The following ZNF285 variants were observed in gnomAD, a reference collection of about 807,000 sequenced individuals.
ZNF285 encodes zinc finger protein 285A.
In ZNF285, 4 loss-of-function variants were observed where a neutral mutation model predicts 6.2. The observed-to-expected ratio is 0.65, with a 90% CI of 0.32 to 1.49. ZNF285 has a LOEUF of 1.49. Among genes scored for constraint, ZNF285 ranks in the 40% most tolerant of loss-of-function variants. ZNF285 has a pLI of 0.07. For missense variants in ZNF285, 695 were observed against 708.8 expected (o/e 0.98, Z 0.22); for synonymous variants, 240 against 245.8 (o/e 0.98, Z 0.22).
rs1971053894 is a variant in ZNF285 at position 44,385,445 on chromosome 19, G to A, written c.*1027C>T. 6.6e-6 allele frequency: 1 copy of A among 152,196 alleles called. No homozygotes were observed. The highest frequency in any genetic ancestry group is 1.5e-5 in the Non-Finnish European group (1 of 68,042). The allele number at this position is 152,196 out of a possible 1,614,324, so 9.4% of individuals were successfully genotyped here. On this transcript the variant is annotated 3_prime_UTR_variant, in exon 4 of 4. Transcript: ENST00000614994. ...TCACCAATGAATGAAGGTTATCACT[G>A]AAGAAGTCCCATCCATACCATTTTA...
At chr19:44,396,891 T>C (rs12983489) in intron 2 of ZNF285, 102,642 of 368,796 alleles carry the variant, frequency 0.28, 22,286 homozygotes, top group East Asian at 0.75. Context: ...ACCAAATTTC[T>C]GTAAGTTTCT....
At chr19:44,392,594 T>C (rs768573840) in intron 2 of ZNF285, 128 bp from the exon 3 acceptor site, 5 of 1,562,876 alleles carry the variant, frequency 3.2e-6, no homozygotes, top group South Asian at 1.1e-5. Context: ...CTTCCTGTCC[T>C]GGAGGTTGGA....
chr19:44,386,894 T>G lies in ZNF285; in HGVS notation c.1351A>C (p.Thr451Pro). ...THLHIHQRVHTGEKPYKCNVC... is the reference protein window; with the variant it reads ...THLHIHQRVHPGEKPYKCNVC... ...TTGCATTTGTATGGTTTCTCCCCTG[T>G]GTGGACTCTCTGGTGAATGTGAAGG... The change falls in exon 4 of 4, where the codon ACA (threonine) becomes CCA (proline). Residue 451 changes from threonine (T) to proline (P), a missense_variant. Physicochemically the swap from Thr to Pro is conservative, Grantham distance 38 (BLOSUM62 -1). Coordinates refer to ENST00000614994, the MANE Select transcript of ZNF285 (RefSeq NM_152354.6). The G allele has an allele frequency of 6.2e-7, 1 of 1,614,216 alleles. No homozygotes were observed.
At chr19:44,400,212 A>T (rs1971352884) in intron 1 of ZNF285, among the ~76,000 whole-genome samples, 1 of 147,484 alleles carries the variant, frequency 6.8e-6, no homozygotes, top group Non-Finnish European at 1.5e-5. Flanking sequence ...TCGCACACAA[A>T]TGCCTTTCTC....
rs1403130960 is a variant in ZNF285, at chr19:44,389,193, A to C, written c.143-1091T>G. Among the ~76,000 whole-genome samples the C allele has an allele frequency of 4.6e-5, 7 of 152,036 alleles. 1 individual carries two copies. The highest frequency in any genetic ancestry group is 1.7e-4 in the African/African-American group (7 of 41,310). On this transcript the variant is annotated intron_variant, in intron 3 of 3. Transcript: ENST00000614994. ...GGGAACAGATACTGTGGCACTGTCAATGGCCTGGCACCCAGGGAAGCAAGA... is the reference window on the plus strand; with the variant it reads ...GGGAACAGATACTGTGGCACTGTCACTGGCCTGGCACCCAGGGAAGCAAGA...
chr19:44,386,280 T>C lies in ZNF285; in HGVS notation c.*192A>G, dbSNP rs191325992. 158 of 617,614 alleles carry C rather than the reference T, an allele frequency of 2.6e-4. No individual in the cohort carries two copies. The African/African-American group carries it at 2.8e-3, about 11-fold the overall frequency. The allele number at this position is 617,614 out of a possible 1,614,324, so 38.3% of individuals were successfully genotyped here. ...CTTTGCCATTGTAGCATACAGCAGTTGATGGGAGCTTCACAGAAGTTCTTG... is the reference window on the plus strand; with the variant it reads ...CTTTGCCATTGTAGCATACAGCAGTCGATGGGAGCTTCACAGAAGTTCTTG... On this transcript the variant is annotated 3_prime_UTR_variant, in exon 4 of 4. Coordinates refer to ENST00000614994, the MANE Select transcript of ZNF285 (RefSeq NM_152354.6).
At chr19:44,400,554 T>G (rs949210963) in intron 1 of ZNF285, among the ~76,000 whole-genome samples, 4 of 152,228 alleles carry the variant, frequency 2.6e-5, no homozygotes, top group African/African-American at 7.2e-5. Context: ...AGAATGGAGT[T>G]AATAATTTGG....
rs1180980256 is a variant in ZNF285, at chr19:44,387,638, G to A, written c.607C>T (p.Pro203Ser). The change falls in exon 4 of 4, where the codon CCT (proline) becomes TCT (serine). Residue 203 changes from proline (P) to serine (S), a missense_variant. Transcript: ENST00000614994. ...HESQECKGED[P>S]GRHPSCGKNL... Reference sequence around the variant, plus strand: ...TTCCCACAGCTGGGATGTCTACCAGGGTCCTCTCCTTTACATTCTTGGGAC... The same window carrying A: ...TTCCCACAGCTGGGATGTCTACCAGAGTCCTCTCCTTTACATTCTTGGGAC... 5 of 1,613,790 alleles carry A rather than the reference G, an allele frequency of 3.1e-6. No homozygotes were observed. The highest frequency in any genetic ancestry group is 4.2e-6 in the Non-Finnish European group (5 of 1,179,832).
rs1971041712 is a variant in ZNF285 at position 44,384,516 on chromosome 19, CA to C, written c.*1955del. On this transcript the variant is annotated 3_prime_UTR_variant, in exon 4 of 4. Coordinates refer to ENST00000614994, the MANE Select transcript of ZNF285 (RefSeq NM_152354.6). ...AATATTTCACTATTATCCACCTGAT[CA>C]GTAAGAAAATGACACTTCAGGGATG... The C allele has an allele frequency of 6.6e-6, 1 of 152,084 alleles. No individual in the cohort carries two copies. Among genetic ancestry groups the C allele is most frequent in the African/African-American group, 2.4e-5 (1 of 41,392 alleles). The allele number at this position is 152,084 out of a possible 1,614,324, so 9.4% of individuals were successfully genotyped here.
At chr19:44,392,260 G>C in intron 3 of ZNF285, 80 bp downstream of exon 3, 1 of 1,585,628 alleles carries the variant, frequency 6.3e-7, no homozygotes. Context: ...TTCTCTTTGT[G>C]GTCTAACTGG....
rs1971036011 is a variant in ZNF285, at chr19:44,384,039, C to T, written c.*2433G>A. ...GGAATGTTGCACCCATTCTAAACCC[C>T]AAAAGCTTCCTAGGATAATGTGTAT... On this transcript the variant is annotated 3_prime_UTR_variant, in exon 4 of 4. Transcript: ENST00000614994. 1 of 152,130 alleles carries T rather than the reference C, an allele frequency of 6.6e-6. No homozygotes were observed. Among genetic ancestry groups the T allele is most frequent in the South Asian group, 2.1e-4 (1 of 4,818 alleles). 9.4% of individuals were successfully genotyped at this position (152,130 alleles called of 1,614,324 possible).
chr19:44,392,237 C>T, intron 3 of ZNF285, 103 bp downstream of exon 3: 1 of 1,557,394 alleles, frequency 6.4e-7, no homozygotes, highest in Non-Finnish European at 8.7e-7. Context: ...GTTTTCTTTC[C>T]AGTGGCCAAA....
intron 3 of ZNF285, among the ~76,000 whole-genome samples, chr19:44,391,028 T>G (rs12709877): frequency 6.6e-6 from 1 of 151,504 alleles, no homozygotes. Context: ...GTGGTGCATG[T>G]CTGTAGTCCC....
chr19:44,387,565 A>G lies in ZNF285; in HGVS notation c.680T>C (p.Val227Ala), dbSNP rs1274319947. 1.1e-5 allele frequency: 17 copies of G among 1,613,824 alleles called. No homozygotes were observed. Among genetic ancestry groups the G allele is most frequent in the Non-Finnish European group, 1.4e-5 (16 of 1,179,868 alleles). The change falls in exon 4 of 4, where the codon GTA becomes GCA. Residue 227 changes from valine (V) to alanine (A), a missense_variant. Physicochemically the swap from Val to Ala is moderately conservative, Grantham distance 64. Coordinates refer to ENST00000614994, the MANE Select transcript of ZNF285 (RefSeq NM_152354.6). ...ATTACATGGGAAAGGCTGTGGTAAT[A>G]CATGGGCCGCATTACGTTTTTCAAC... ...STVEKRNAAH[V>A]LPQPFPCNNC...
At chr19:44,390,228 A>C (rs1971170337) in intron 3 of ZNF285, among the ~76,000 whole-genome samples, 2 of 151,898 alleles carry the variant, frequency 1.3e-5, no homozygotes, top group South Asian at 4.1e-4. Flanking sequence ...AGCCACAAAC[A>C]CTCAACACCA....
intron 2 of ZNF285, chr19:44,394,556 GA>G: frequency 1.7e-6 from 1 of 579,674 alleles, no homozygotes; most frequent in South Asian, 2.3e-5. Context: ...ATAAAAGTTG[GA>G]AAGAAGAAAA....
intron 1 of ZNF285, among the ~76,000 whole-genome samples, chr19:44,398,489 T>C (rs1971321948): frequency 6.6e-6 from 1 of 152,158 alleles, no homozygotes; most frequent in African/African-American, 2.4e-5. Flanking sequence ...TGACCAAAGG[T>C]CATGGCCTCC....
At position 44,386,957 on chromosome 19, in the gene ZNF285, A is replaced by C; in HGVS notation, c.1288T>G (p.Cys430Gly). ...CTGAAGCCCTTTCCACACTCACCAC[A>C]CCTATATGGTTTCTCCCCTGTGTGA... ...RFHTGEKPYR[C>G]GECGKGFSQC... The change falls in exon 4 of 4, where the codon TGT becomes GGT. Residue 430 changes from cysteine to glycine, a missense_variant. Cys to Gly is a radical substitution (Grantham distance 159). Transcript: ENST00000614994. 1 of 1,614,038 alleles carries C rather than the reference A, an allele frequency of 6.2e-7. No homozygotes were observed. Among genetic ancestry groups the C allele is most frequent in the Non-Finnish European group, 8.5e-7 (1 of 1,180,010 alleles).
At chr19:44,397,923 A>C (rs1329134093) in intron 1 of ZNF285, among the ~76,000 whole-genome samples, 1 of 151,558 alleles carries the variant, frequency 6.6e-6, no homozygotes, top group Non-Finnish European at 1.5e-5. Flanking sequence ...AAGAGAGAGC[A>C]ATCTCAGGAT....
Sources: gnomAD v4.1 joint callset for allele counts (sites outside exome capture counted in the v4.1 genomes callset) on GRCh38, gnomAD v4.1.1 for gene constraint, MANE v1.5 for transcripts, NCBI Gene and HGNC (gene_info 2026-07-23, HGNC 2026-07-21) for gene names.